NR3C1: variants seen among roughly 807,000 people sequenced by gnomAD.
NR3C1 encodes nuclear receptor subfamily 3 group C member 1.
Under a neutral mutation model 74.0 loss-of-function variants are expected in NR3C1, and 14 were observed. The observed-to-expected ratio is 0.19, with a 90% CI of 0.12 to 0.30. NR3C1 has a LOEUF of 0.30. Among genes scored for constraint, NR3C1 ranks in the 10% least tolerant of loss-of-function variants. NR3C1 has a pLI of 1.00. For synonymous variants in NR3C1, 308 were observed against 332.5 expected, an observed-to-expected ratio of 0.93 and a Z score of 0.80; for missense variants, 695 against 909.8, an observed-to-expected ratio of 0.76 and a Z score of 3.04.
chr5:143,366,534 C>T lies in NR3C1; in HGVS notation c.1184+33122G>A, dbSNP rs536713814. On this transcript the variant is annotated intron_variant, in intron 2 of 8. Coordinates refer to ENST00000394464, the MANE Select transcript of NR3C1 (RefSeq NM_000176.3). ...TCAAAAAAAAAAAAAAAGCTGTTCCCCTGAAAACGGACAAAACTTTACTTT... is the reference window on the plus strand; with the variant it reads ...TCAAAAAAAAAAAAAAAGCTGTTCCTCTGAAAACGGACAAAACTTTACTTT... 7.9e-5 allele frequency among the ~76,000 whole-genome samples: 12 copies of T among 151,306 alleles called. No homozygotes were observed. In the East Asian group the frequency reaches 2.1e-3, roughly 27 times the overall value.
chr5:143,363,344 A>G (rs1832618142), intron 2 of NR3C1, among the ~76,000 whole-genome samples: 1 of 152,228 alleles, frequency 6.6e-6, no homozygotes, highest in South Asian at 2.1e-4. Context: ...TTGTTACACT[A>G]TAATATTCAA....
intron 2 of NR3C1, among the ~76,000 whole-genome samples, chr5:143,396,521 T>C (rs962658205): frequency 6.6e-6 from 1 of 151,822 alleles, no homozygotes; most frequent in African/African-American, 2.4e-5. Flanking sequence ...GTATTTCCTC[T>C]TTTTCTGAGA....
intron 2 of NR3C1, among the ~76,000 whole-genome samples, chr5:143,325,384 C>G (rs893931830): frequency 6.6e-6 from 1 of 152,190 alleles, no homozygotes; most frequent in Non-Finnish European, 1.5e-5. Flanking sequence ...AAAGACCAGA[C>G]CCTGTGATTC....
At chr5:143,394,564 A>C (rs964807038) in intron 2 of NR3C1, among the ~76,000 whole-genome samples, 3 of 152,014 alleles carry the variant, frequency 2.0e-5, no homozygotes, top group Admixed American at 6.6e-5. Context: ...TTAGATTTTC[A>C]TTTATTAAAC....
At position 143,300,402 on chromosome 5, in the gene NR3C1, C is replaced by A; in HGVS notation, c.1747+83G>T. On this transcript the variant is annotated intron_variant, in intron 5 of 8. Transcript: ENST00000394464. This position sits in a 1 kb window ranked among gnomAD's most constrained non-coding sequence, Gnocchi z 5.2. ...AGAGAAACAAGATAAGCCATGGGCT[C>A]ACGATGATATAAAAGCCAAAGTGTT... 6.5e-7 allele frequency: 1 copy of A among 1,545,156 alleles called. No individual in the cohort carries two copies. The highest frequency in any genetic ancestry group is 8.9e-7 in the Non-Finnish European group (1 of 1,120,352).
chr5:143,305,330 G>T (rs1819351473), intron 4 of NR3C1, among the ~76,000 whole-genome samples: 1 of 152,178 alleles, frequency 6.6e-6, no homozygotes, highest in South Asian at 2.1e-4. Flanking sequence ...GTGGAAAGAA[G>T]TTTGGAGATT....
intron 1 of NR3C1, among the ~76,000 whole-genome samples, chr5:143,418,123 T>C (rs1751009162): frequency 6.6e-6 from 1 of 152,214 alleles, no homozygotes; most frequent in Non-Finnish European, 1.5e-5. Flanking sequence ...GCTTTCCTAA[T>C]TCCTAGTTGG....
At chr5:143,328,780 T>C (rs561638871) in intron 2 of NR3C1, among the ~76,000 whole-genome samples, 1 of 152,338 alleles carries the variant, frequency 6.6e-6, no homozygotes, top group African/African-American at 2.4e-5. Context: ...TGCTAAAGCA[T>C]AGCAAAAATA....
chr5:143,282,941 G>C (rs1813457171), intron 7 of NR3C1, among the ~76,000 whole-genome samples: 1 of 143,920 alleles, frequency 6.9e-6, no homozygotes, highest in African/African-American at 2.6e-5. Flanking sequence ...CACCATGTCT[G>C]AGTGGCATAA....
intron 2 of NR3C1, among the ~76,000 whole-genome samples, chr5:143,395,628 C>A (rs1184755050): frequency 5.3e-5 from 8 of 151,712 alleles, no homozygotes; most frequent in Non-Finnish European, 1.2e-4. Context: ...TACTAGTACA[C>A]AATGAGAACC....
At chr5:143,433,452 T>TTATATATATA (rs70995004) in intron 1 of NR3C1, among the ~76,000 whole-genome samples, 1 of 119,696 alleles carries the variant, frequency 8.4e-6, no homozygotes, top group African/African-American at 3.2e-5. Context: ...TTTATTTAAA[T>TTATATATATA]TATATATATA....
intron 2 of NR3C1, among the ~76,000 whole-genome samples, chr5:143,385,227 A>AT (rs1461522908): frequency 6.6e-6 from 1 of 151,586 alleles, no homozygotes; most frequent in East Asian, 1.9e-4. Context: ...CCACGAAACC[A>AT]TTTTTTCCTC....
chr5:143,287,853 T>C (rs898343326), intron 7 of NR3C1, among the ~76,000 whole-genome samples: 1 of 152,228 alleles, frequency 6.6e-6, no homozygotes, highest in African/African-American at 2.4e-5. Flanking sequence ...GCCATTTTCC[T>C]GATTTTGCAA....
At chr5:143,366,613 C>T (rs538151393) in intron 2 of NR3C1, among the ~76,000 whole-genome samples, 49 of 151,170 alleles carry the variant, frequency 3.2e-4, no homozygotes, top group African/African-American at 9.0e-4. Flanking sequence ...TACCAGAATC[C>T]GAAATGAAAG....
intron 2 of NR3C1, among the ~76,000 whole-genome samples, chr5:143,387,705 C>A (rs1450290978): frequency 1.3e-5 from 2 of 152,172 alleles, no homozygotes; most frequent in Non-Finnish European, 2.9e-5. Context: ...TTAGGTTGAA[C>A]TCTCCTATAA....
chr5:143,382,722 T>C (rs1836476859), intron 2 of NR3C1, among the ~76,000 whole-genome samples: 2 of 152,232 alleles, frequency 1.3e-5, no homozygotes, highest in Admixed American at 1.3e-4. Context: ...GAGATCTGGA[T>C]ATCAAAACTA....
chr5:143,426,432 T>C (rs934234941), intron 1 of NR3C1, among the ~76,000 whole-genome samples: 1 of 152,252 alleles, frequency 6.6e-6, no homozygotes, highest in Non-Finnish European at 1.5e-5. Context: ...ATATGCTCCC[T>C]ATTTTCTTTG....
At chr5:143,404,553 G>T (rs1194595031), upstream of NR3C1, 31 of 972,992 alleles carry the variant, frequency 3.2e-5, no homozygotes, top group Non-Finnish European at 3.5e-5. Flanking sequence ...GCGAGGCGGC[G>T]GCGGCGGCAG....
chr5:143,348,829 G>A (rs1829748117), intron 2 of NR3C1, among the ~76,000 whole-genome samples: 1 of 151,890 alleles, frequency 6.6e-6, no homozygotes, highest in Non-Finnish European at 1.5e-5. Context: ...ATGAAACAAG[G>A]GCACAACTTA....
Sources: allele counts gnomAD v4.1 joint callset (sites outside exome capture counted in the v4.1 genomes callset), GRCh38; gene constraint gnomAD v4.1.1; non-coding constraint Gnocchi (gnomAD v3.1); transcripts MANE v1.5; gene names NCBI Gene and HGNC (gene_info 2026-07-23, HGNC 2026-07-21).